NEGR1: variants seen among roughly 807,000 people sequenced by gnomAD.
NEGR1 encodes IgLON family member 4.
Under a neutral mutation model 40.9 loss-of-function variants are expected in NEGR1, and 10 were observed. The ratio of observed to expected loss-of-function variants is 0.24; its 90% CI spans 0.15 to 0.42. The LOEUF (loss-of-function observed/expected upper bound fraction) is 0.42, where lower values mean the gene tolerates loss of function less well. Among genes scored for constraint, NEGR1 ranks in the 10% least tolerant of loss-of-function variants. The pLI, the probability that NEGR1 is intolerant of heterozygous loss-of-function variation, is 1.00. For synonymous variants in NEGR1, 185 were observed against 166.8 expected (o/e 1.11, Z -0.84); for missense variants, 352 against 438.9 (o/e 0.80, Z 1.77).
At chr1:71,711,500 A>G (rs1458271725) in intron 3 of NEGR1, among the ~76,000 whole-genome samples, 13 of 139,684 alleles carry the variant, frequency 9.3e-5, no homozygotes, top group Admixed American at 2.9e-4. Flanking sequence ...AAAAAAAAAG[A>G]TTAGTGCTGT....
chr1:71,913,766 G>C (rs1041720945), intron 2 of NEGR1, among the ~76,000 whole-genome samples: 2 of 151,134 alleles, frequency 1.3e-5, no homozygotes, highest in African/African-American at 4.9e-5. Flanking sequence ...AAAAGAAACA[G>C]AGCTTCCATT....
intron 4 of NEGR1, among the ~76,000 whole-genome samples, chr1:71,675,126 T>TATATATACACAC (rs145354058): frequency 1.3e-5 from 1 of 77,830 alleles, no homozygotes; most frequent in African/African-American, 4.1e-5. Flanking sequence ...TATATATATA[T>TATATATACACAC]ACACACACAC....
intron 2 of NEGR1, among the ~76,000 whole-genome samples, chr1:71,834,430 G>A (rs541172108): frequency 9.2e-5 from 14 of 152,104 alleles, no homozygotes; most frequent in African/African-American, 3.1e-4. Flanking sequence ...AAAGGTGGAG[G>A]AAGGAGGAAT....
intron 1 of NEGR1, among the ~76,000 whole-genome samples, chr1:71,964,834 A>C (rs1480268948): frequency 3.3e-5 from 5 of 149,570 alleles, no homozygotes; most frequent in Non-Finnish European, 6.0e-5. Context: ...TAAAAAAAAA[A>C]ATCACTCCCT....
At chr1:71,454,461 G>A (rs1489639207) in intron 6 of NEGR1, among the ~76,000 whole-genome samples, 1 of 151,118 alleles carries the variant, frequency 6.6e-6, no homozygotes, top group African/African-American at 2.4e-5. Flanking sequence ...TTCATCTTCT[G>A]ACATCCAATC....
chr1:72,056,339 C>T (rs926228544), intron 1 of NEGR1, among the ~76,000 whole-genome samples: 1 of 151,186 alleles, frequency 6.6e-6, no homozygotes, highest in Non-Finnish European at 1.5e-5. Flanking sequence ...TTATTTATTG[C>T]ATTTTTTTCT....
chr1:71,636,823 G>T (rs941785699), intron 4 of NEGR1, among the ~76,000 whole-genome samples: 2 of 151,898 alleles, frequency 1.3e-5, no homozygotes, highest in African/African-American at 4.8e-5. Context: ...GCTAGATAGT[G>T]GTTCGAAATG....
At chr1:72,274,142 A>G (rs1655956547) in intron 1 of NEGR1, among the ~76,000 whole-genome samples, 1 of 151,966 alleles carries the variant, frequency 6.6e-6, no homozygotes, top group Non-Finnish European at 1.5e-5. Flanking sequence ...CTGAGATACA[A>G]AAGATGTGCT....
intron 1 of NEGR1, among the ~76,000 whole-genome samples, chr1:72,210,519 C>T (rs1387494306): frequency 6.6e-6 from 1 of 151,866 alleles, no homozygotes; most frequent in Non-Finnish European, 1.5e-5. Flanking sequence ...CAAAGTTAAA[C>T]AGAGGCAGGC....
chr1:71,479,870 GT>G (rs1177314881), intron 6 of NEGR1, among the ~76,000 whole-genome samples: 3 of 151,770 alleles, frequency 2.0e-5, no homozygotes, highest in African/African-American at 7.3e-5. Flanking sequence ...AAGTTTCTTA[GT>G]AGTTCCGTGA....
chr1:71,685,609 C>A (rs1653007810), intron 4 of NEGR1, among the ~76,000 whole-genome samples: 1 of 152,118 alleles, frequency 6.6e-6, no homozygotes, highest in East Asian at 1.9e-4. Flanking sequence ...CATGAGCCAC[C>A]GCAGGCCGAG....
Position 71,604,717 on chromosome 1 carries a change from A to G in NEGR1, c.788+6309T>C, listed in dbSNP as rs187650411. Among the ~76,000 whole-genome samples, 122 of 152,304 alleles carry G rather than the reference A, an allele frequency of 8.0e-4. 1 individual carries two copies. The highest frequency in any genetic ancestry group is 1.5e-3 in the Non-Finnish European group (102 of 68,008). On this transcript the variant is annotated intron_variant, in intron 5 of 6. Coordinates refer to ENST00000357731, the MANE Select transcript of NEGR1 (RefSeq NM_173808.3). ...CAAGGTTGACTTCAGGTATTTTCCT[A>G]TGCATTCATTCGTATCTGCACACAT... is the stretch of plus-strand genomic sequence containing the variant.
chr1:71,820,880 A>G (rs141668043), intron 2 of NEGR1, among the ~76,000 whole-genome samples: 1 of 152,098 alleles, frequency 6.6e-6, no homozygotes, highest in African/African-American at 2.4e-5. Context: ...TAACATTATT[A>G]TTTAATTTAC....
At chr1:72,152,461 AAAG>A (rs1406438955) in intron 1 of NEGR1, among the ~76,000 whole-genome samples, 1 of 152,000 alleles carries the variant, frequency 6.6e-6, no homozygotes, top group East Asian at 1.9e-4. Flanking sequence ...CTATTAATAA[AAAG>A]TCAAAAAACA....
At chr1:72,188,983 C>A (rs1331938899) in intron 1 of NEGR1, among the ~76,000 whole-genome samples, 3 of 151,358 alleles carry the variant, frequency 2.0e-5, no homozygotes, top group South Asian at 2.1e-4. Flanking sequence ...TAGGAAGAAT[C>A]TTTTTCTTAT....
intron 2 of NEGR1, among the ~76,000 whole-genome samples, chr1:71,927,322 G>T (rs1286492013): frequency 1.3e-5 from 2 of 152,156 alleles, no homozygotes; most frequent in Non-Finnish European, 2.9e-5. Context: ...CATAAGCACA[G>T]ATGGTGAACC....
intron 1 of NEGR1, among the ~76,000 whole-genome samples, chr1:72,135,382 AAAAAAAAC>A (rs1181964369): frequency 7.0e-5 from 10 of 142,034 alleles, no homozygotes; most frequent in East Asian, 2.2e-4. Flanking sequence ...TCTCAAAAAA[AAAAAAAAC>A]AAAAAACAAA....
chr1:71,428,429 G>A (rs1646443364), intron 6 of NEGR1, among the ~76,000 whole-genome samples: 1 of 152,154 alleles, frequency 6.6e-6, no homozygotes, highest in Non-Finnish European at 1.5e-5. Flanking sequence ...CTGCTATAAT[G>A]TTAAGGCACT....
At chr1:71,580,938 G>A (rs1262823529) in intron 6 of NEGR1, among the ~76,000 whole-genome samples, 6 of 152,040 alleles carry the variant, frequency 3.9e-5, no homozygotes. Context: ...AATTGAGAAA[G>A]TTTTAGAAAT....
Sources: gnomAD v4.1 joint callset for allele counts (sites outside exome capture counted in the v4.1 genomes callset) on GRCh38, gnomAD v4.1.1 for gene constraint, MANE v1.5 for transcripts, NCBI Gene and HGNC (gene_info 2026-07-23, HGNC 2026-07-21) for gene names.